Variants in KCNMB2 observed in about 807,000 individuals in gnomAD.
The protein encoded by KCNMB2 is calcium-activated potassium channel subunit beta-2.
Under a neutral mutation model 24.5 loss-of-function variants are expected in KCNMB2, and 9 were observed. The ratio of observed to expected loss-of-function variants is 0.37; its 90% CI spans 0.22 to 0.64. KCNMB2 has a LOEUF of 0.64. Ranked by LOEUF, KCNMB2 falls within the 30% of genes least tolerant of loss-of-function variation. The pLI, the probability that KCNMB2 is intolerant of heterozygous loss-of-function variation, is 0.63. For synonymous variants in KCNMB2, 109 were observed against 104.4 expected (o/e 1.04, Z -0.27); for missense variants, 226 against 284.3 (o/e 0.79, Z 1.47).
chr3:178,808,071 T>C (rs924334814), intron 2 of KCNMB2, among the ~76,000 whole-genome samples: 3 of 151,962 alleles, frequency 2.0e-5, no homozygotes, highest in Non-Finnish European at 2.9e-5. Context: ...TACAAATCCA[T>C]TGAGCCCTTA....
intron 1 of KCNMB2, among the ~76,000 whole-genome samples, chr3:178,707,707 A>C (rs764024506): frequency 3.0e-5 from 4 of 135,080 alleles, no homozygotes; most frequent in Non-Finnish European, 6.5e-5. Context: ...GAAAACTGTT[A>C]AAATCATTAA....
In KCNMB2 at chr3:178,737,800, T is replaced by C. The variant is rs149169428; in HGVS notation, c.-67-69543T>C. On this transcript the variant is annotated intron_variant, in intron 1 of 4. Coordinates refer to ENST00000452583, the MANE Select transcript of KCNMB2 (RefSeq NM_181361.3). ...AATATCAGGAAAAACAACTCAGAGA[T>C]GAGGATTACTCAGGATTTGATTAGA... Among the ~76,000 whole-genome samples the C allele has an allele frequency of 9.2e-5, 14 of 152,336 alleles. No homozygotes were observed. In the East Asian group the frequency reaches 1.5e-3, roughly 17 times the overall value.
At chr3:178,799,084 G>A (rs73183333) in intron 1 of KCNMB2, among the ~76,000 whole-genome samples, 4,224 of 151,948 alleles carry the variant, frequency 0.028, 92 homozygotes, top group Middle Eastern at 0.072. Context: ...TACTGAATGG[G>A]GAAAAAATGA....
chr3:178,568,680 G>C (rs1332048243), intron 1 of KCNMB2, among the ~76,000 whole-genome samples: 1 of 150,028 alleles, frequency 6.7e-6, no homozygotes, highest in Non-Finnish European at 1.5e-5. Context: ...GACACTCAAG[G>C]AATACTTATT....
At chr3:178,604,642 T>C (rs944254040) in intron 1 of KCNMB2, among the ~76,000 whole-genome samples, 8 of 152,218 alleles carry the variant, frequency 5.3e-5, no homozygotes, top group Non-Finnish European at 1.0e-4. Flanking sequence ...GTTTTTAAAA[T>C]TATGAAAATC....
intron 2 of KCNMB2, among the ~76,000 whole-genome samples, chr3:178,808,042 A>G (rs1391870187): frequency 6.6e-6 from 1 of 152,094 alleles, no homozygotes; most frequent in Non-Finnish European, 1.5e-5. Context: ...AGAAAGTATG[A>G]GAGGAGGAAA....
intron 1 of KCNMB2, among the ~76,000 whole-genome samples, chr3:178,658,966 G>A (rs1043404868): frequency 6.6e-6 from 1 of 152,174 alleles, no homozygotes; most frequent in Admixed American, 6.6e-5. Context: ...AGAATACCAG[G>A]TTATCTCTTC....
At chr3:178,795,590 G>A (rs1482040332) in intron 1 of KCNMB2, among the ~76,000 whole-genome samples, 1 of 152,138 alleles carries the variant, frequency 6.6e-6, no homozygotes, top group African/African-American at 2.4e-5. Flanking sequence ...TGGCTTTGCT[G>A]GCCTTGGAGT....
intron 1 of KCNMB2, among the ~76,000 whole-genome samples, chr3:178,630,174 AT>A (rs1719265039): frequency 6.6e-6 from 1 of 152,154 alleles, no homozygotes; most frequent in Admixed American, 6.6e-5. Flanking sequence ...CAGTTGAGCC[AT>A]TTCTGTTTAC....
At chr3:178,834,214 C>G (rs1358583090) in intron 4 of KCNMB2, among the ~76,000 whole-genome samples, 1 of 152,160 alleles carries the variant, frequency 6.6e-6, no homozygotes, top group African/African-American at 2.4e-5. Context: ...TCACAACACA[C>G]TGCTAACTCT....
intron 1 of KCNMB2, among the ~76,000 whole-genome samples, chr3:178,604,149 T>C (rs1445588334): frequency 6.6e-6 from 1 of 152,120 alleles, no homozygotes; most frequent in Non-Finnish European, 1.5e-5. Flanking sequence ...CTCACCCCTT[T>C]GGAACAAAGC....
At chr3:178,754,866 T>C (rs1463510099) in intron 1 of KCNMB2, among the ~76,000 whole-genome samples, 1 of 152,222 alleles carries the variant, frequency 6.6e-6, no homozygotes, top group Non-Finnish European at 1.5e-5. Context: ...TTTAGCACGT[T>C]TGGCCCTCAT....
intron 1 of KCNMB2, among the ~76,000 whole-genome samples, chr3:178,741,215 G>C (rs1373372348): frequency 1.3e-5 from 2 of 152,196 alleles, no homozygotes; most frequent in African/African-American, 4.8e-5. Context: ...GCATTGGAAT[G>C]TGAATTTTAG....
intron 1 of KCNMB2, among the ~76,000 whole-genome samples, chr3:178,563,036 T>A (rs575509355): frequency 6.6e-6 from 1 of 152,266 alleles, no homozygotes; most frequent in South Asian, 2.1e-4. Flanking sequence ...AAAAGGACAT[T>A]CAAAGGAGAG....
At position 178,591,629 on chromosome 3, in the gene KCNMB2, C is replaced by T. The variant is rs367866643; in HGVS notation, c.-68+54918C>T. Among the ~76,000 whole-genome samples, 52 of 152,276 alleles carry T rather than the reference C, an allele frequency of 3.4e-4. No individual in the cohort carries two copies. The South Asian group carries it at 0.01, about 30-fold the overall frequency. On this transcript the variant is annotated intron_variant, in intron 1 of 4. Coordinates refer to ENST00000452583, the MANE Select transcript of KCNMB2 (RefSeq NM_181361.3). Reference sequence around the variant, plus strand: ...ATAGATGCCATTGGGACCTCCATTGCTGATGGTGTGTTTTTATAATCTGGC... The same window carrying T: ...ATAGATGCCATTGGGACCTCCATTGTTGATGGTGTGTTTTTATAATCTGGC...
intron 1 of KCNMB2, among the ~76,000 whole-genome samples, chr3:178,646,753 T>C (rs1289203243): frequency 6.6e-6 from 1 of 152,204 alleles, no homozygotes; most frequent in Non-Finnish European, 1.5e-5. Flanking sequence ...ATGAACTTGG[T>C]CTGTTCCTGG....
Position 178,807,345 on chromosome 3 carries a change from C to A in KCNMB2, c.-65C>A. 7.3e-7 allele frequency: 1 copy of A among 1,376,826 alleles called. No homozygotes were observed. The highest frequency in any genetic ancestry group is 1.0e-6 in the Non-Finnish European group (1 of 969,182). The allele number at this position is 1,376,826 out of a possible 1,614,324, so 85.3% of individuals were successfully genotyped here. ...ACTTCATTGTGTACCTCTTCTAGGT[C>A]TTTTTGCCATTCCTCCAGGACATCC... On this transcript the variant is annotated splice_region_variant and 5_prime_UTR_variant, in exon 2 of 5. Transcript: ENST00000452583.
chr3:178,709,340 G>A (rs1450595427), intron 1 of KCNMB2, among the ~76,000 whole-genome samples: 24 of 152,134 alleles, frequency 1.6e-4, no homozygotes, highest in Non-Finnish European at 1.5e-5. Flanking sequence ...TCCAAGCATC[G>A]TGGCTAAATC....
At chr3:178,553,537 CT>C (rs78958133) in intron 1 of KCNMB2, among the ~76,000 whole-genome samples, 2,415 of 138,966 alleles carry the variant, frequency 0.017, 33 homozygotes, top group African/African-American at 0.052. Flanking sequence ...AGAGAGATTC[CT>C]TTTTTTTTTT....
Sources: gnomAD v4.1 joint callset for allele counts (sites outside exome capture counted in the v4.1 genomes callset) on GRCh38, gnomAD v4.1.1 for gene constraint, MANE v1.5 for transcripts, NCBI Gene and HGNC (gene_info 2026-07-23, HGNC 2026-07-21) for gene names.